Variants in PDCD11 observed in about 807,000 individuals in gnomAD.
The protein encoded by PDCD11 is programmed cell death 11, also known as protein RRP5 homolog.
A neutral mutation model predicts 198.9 loss-of-function variants in PDCD11; 97 were observed. The ratio of observed to expected loss-of-function variants is 0.49; its 90% confidence interval spans 0.41 to 0.58. The LOEUF is 0.58. PDCD11 is among the 20% of genes least tolerant of loss of function. The pLI, the probability that PDCD11 is intolerant of heterozygous loss-of-function variation, is 0.00. For missense variants in PDCD11, 2,102 were observed against 2,312.7 expected (o/e 0.91, Z 1.87); for synonymous variants, 893 against 918.0 (o/e 0.97, Z 0.49).
chr10:103,398,696 A>G (rs974922291), intron 2 of PDCD11, among the ~76,000 whole-genome samples, 168 bp downstream of exon 2: 4 of 152,218 alleles, frequency 2.6e-5, no homozygotes, highest in Non-Finnish European at 5.9e-5. Context: ...ACAAGGCTGT[A>G]TCTTTTGAAG....
At chr10:103,432,285 A>G (rs749771991) in intron 22 of PDCD11, 51 bp downstream of exon 22, 5 of 1,295,422 alleles carry the variant, frequency 3.9e-6, no homozygotes, top group Non-Finnish European at 5.6e-6. Flanking sequence ...TTTCAGAAAA[A>G]AGGTCATGAC....
chr10:103,421,453 C>A lies in PDCD11; in HGVS notation c.2383C>A (p.Leu795Met). ...GGATGAGGAGAAGCAGCGGATGCTG[C>A]TGTCACTGCGGCTGTCGGACTGTGG... The part of the protein sequence containing the change: ...NVDEEKQRML[L>M]SLRLSDCGLG... The change falls in exon 17 of 36, where the codon CTG (leucine) becomes ATG (methionine). Residue 795 changes from leucine (L) to methionine (M), a missense_variant. Physicochemically the swap from Leu to Met is conservative, Grantham distance 15 (BLOSUM62 2). Coordinates refer to ENST00000369797, the MANE Select transcript of PDCD11 (RefSeq NM_014976.2). The A allele has an allele frequency of 6.2e-7, 1 of 1,604,760 alleles. No homozygotes were observed. The highest frequency in any genetic ancestry group is 8.5e-7 in the Non-Finnish European group (1 of 1,175,604).
chr10:103,430,648 TTTTAA>T (rs1326118649), intron 21 of PDCD11, among the ~76,000 whole-genome samples: 4 of 152,094 alleles, frequency 2.6e-5, no homozygotes, highest in African/African-American at 7.2e-5. Flanking sequence ...TTTTTTTTTT[TTTTAA>T]TAGTGGCCAT....
chr10:103,403,861 A>G (rs1284818068), intron 4 of PDCD11, among the ~76,000 whole-genome samples: 2 of 152,150 alleles, frequency 1.3e-5, no homozygotes, highest in Non-Finnish European at 2.9e-5. Context: ...GATAGATTCA[A>G]TATGGGTGGT....
At chr10:103,404,597 C>T (rs2030329346) in intron 4 of PDCD11, among the ~76,000 whole-genome samples, 1 of 152,228 alleles carries the variant, frequency 6.6e-6, no homozygotes, top group Non-Finnish European at 1.5e-5. Flanking sequence ...CCACACCCGA[C>T]CCTCAAGTGC....
chr10:103,445,636 C>A lies in PDCD11; in HGVS notation c.*87C>A. ...CTGGGCACTCGGAAAACTGTTACCT[C>A]AGGACTCTATTTAAATGCTGCTTTT... On this transcript the variant is annotated 3_prime_UTR_variant, in exon 36 of 36. Transcript: ENST00000369797. 1 of 1,093,752 alleles carries A rather than the reference C, an allele frequency of 9.1e-7. No homozygotes were observed. Among genetic ancestry groups the A allele is most frequent in the South Asian group, 1.5e-5 (1 of 67,912 alleles). The allele number at this position is 1,093,752 out of a possible 1,614,324, so 67.8% of individuals were successfully genotyped here.
At position 103,414,335 on chromosome 10, in the gene PDCD11, G is replaced by A. The variant is rs1201957200; in HGVS notation, c.1371+5G>A. 6.2e-7 allele frequency: 1 copy of A among 1,609,778 alleles called. No individual in the cohort carries two copies. The highest frequency in any genetic ancestry group is 8.5e-7 in the Non-Finnish European group (1 of 1,176,096). ...GAACCTGGGGCAGTGGTAAAGGTAAGACCTCAAGCATATAATTAGGTACTG... is the reference window on the plus strand; with the variant it reads ...GAACCTGGGGCAGTGGTAAAGGTAAAACCTCAAGCATATAATTAGGTACTG... On this transcript the variant is annotated splice_donor_5th_base_variant and intron_variant, in intron 11 of 35. Transcript: ENST00000369797.
intron 34 of PDCD11, 169 bp downstream of exon 34, chr10:103,444,237 G>A: frequency 1.5e-6 from 1 of 663,380 alleles, no homozygotes; most frequent in Non-Finnish European, 2.5e-6. Flanking sequence ...AATTTCAAAT[G>A]TCAGGCTCCA....
chr10:103,429,098 C>T (rs987373171), intron 21 of PDCD11, among the ~76,000 whole-genome samples: 13 of 152,126 alleles, frequency 8.5e-5, no homozygotes, highest in Non-Finnish European at 1.8e-4. Flanking sequence ...TTCCTCATTT[C>T]GTATGGGGAT....
chr10:103,444,441 C>T (rs1385632773), intron 34 of PDCD11, 76 bp from the exon 35 acceptor site: 1 of 1,410,448 alleles, frequency 7.1e-7, no homozygotes, highest in African/African-American at 1.4e-5. Context: ...CAGGTGCACG[C>T]TGACCCTGCG....
At chr10:103,402,854 C>T (rs2030193397) in intron 3 of PDCD11, among the ~76,000 whole-genome samples, 2 of 152,202 alleles carry the variant, frequency 1.3e-5, no homozygotes, top group Admixed American at 6.5e-5. Context: ...GATCCACTCA[C>T]CTCCGAGTAC....
chr10:103,438,843 G>C, intron 27 of PDCD11, 35 bp downstream of exon 27: 2 of 1,611,962 alleles, frequency 1.2e-6, no homozygotes, highest in Non-Finnish European at 1.7e-6. Context: ...GGACCCAAGT[G>C]CCTTCCCTGA....
In PDCD11 at chr10:103,414,963, C is replaced by T. The variant is rs371405599; in HGVS notation, c.1372-42C>T. 4.4e-6 allele frequency: 7 copies of T among 1,608,524 alleles called. No individual in the cohort carries two copies. The African/African-American group carries it at 9.4e-5, about 22-fold the overall frequency. On this transcript the variant is annotated intron_variant, in intron 11 of 35. Coordinates refer to ENST00000369797, the MANE Select transcript of PDCD11 (RefSeq NM_014976.2). Reference sequence around the variant, plus strand: ...TTGTTGTAAGAGGTGGGGGAAAGGCCATTCTTGAGACATTGTGGCAGCTTA... The same window carrying T: ...TTGTTGTAAGAGGTGGGGGAAAGGCTATTCTTGAGACATTGTGGCAGCTTA...
chr10:103,434,928 C>G lies in PDCD11; in HGVS notation c.3798C>G (p.Ser1266=). ...GTVSIFHMSD[S]YSETPLEDFV... is the part of the protein sequence containing the mutation. ...TCAGTATATTTCACATGAGTGACTC[C>G]TACTCCGAGACGCCCCTGGAAGACT... The change falls in exon 25 of 36, where the codon TCC becomes TCG. Residue 1266 remains serine (S), a synonymous_variant. Transcript: ENST00000369797. 1 of 1,600,214 alleles carries G rather than the reference C, an allele frequency of 6.2e-7. No homozygotes were observed. Among genetic ancestry groups the G allele is most frequent in the African/African-American group, 1.4e-5 (1 of 74,042 alleles).
At chr10:103,434,128 A>G in intron 23 of PDCD11, 91 bp downstream of exon 23, 1 of 1,259,522 alleles carries the variant, frequency 7.9e-7, no homozygotes, top group Non-Finnish European at 1.2e-6. Flanking sequence ...GATTTGAGGA[A>G]GCTTGTTCTT....
chr10:103,445,432 C>G lies in PDCD11; in HGVS notation c.5499C>G (p.Phe1833Leu). ...GCTTGGCCCCCAAGAGAATGAAGTT[C>G]TTCTTCAAGCGCTACCTGGACTACG... ...HLSLAPKRMK[F>L]FFKRYLDYEK... The change falls in exon 36 of 36, where the codon TTC (phenylalanine) becomes TTG (leucine). Residue 1833 changes from phenylalanine (F) to leucine (L), a missense_variant. Phe to Leu is a conservative substitution (Grantham distance 22, BLOSUM62 0). Coordinates refer to ENST00000369797, the MANE Select transcript of PDCD11 (RefSeq NM_014976.2). The G allele has an allele frequency of 6.2e-7, 1 of 1,614,138 alleles. No individual in the cohort carries two copies. Among genetic ancestry groups the G allele is most frequent in the East Asian group, 2.2e-5 (1 of 44,882 alleles).
Position 103,442,278 on chromosome 10 carries a change from TGAG to T in PDCD11, c.4778_4780del (p.Glu1593del), listed in dbSNP as rs1368238036. 2.5e-6 allele frequency: 4 copies of T among 1,614,020 alleles called. No individual in the cohort carries two copies. The Admixed American group carries it at 6.7e-5, about 27-fold the overall frequency. ...AGGCAGAGAAGGAACTGTCCCGCAT[TGAG>T]GAGGCGCTGATGGATCCTGGGCGGC... is the stretch of plus-strand genomic sequence containing the variant. On this transcript the variant is annotated inframe_deletion, in exon 32 of 36. Coordinates refer to ENST00000369797, the MANE Select transcript of PDCD11 (RefSeq NM_014976.2).
intron 7 of PDCD11, among the ~76,000 whole-genome samples, chr10:103,408,486 A>G (rs1030822823): frequency 2.6e-5 from 4 of 152,114 alleles, no homozygotes; most frequent in Non-Finnish European, 5.9e-5. Flanking sequence ...GAGCAAGTCT[A>G]TGTGCCTGTG....
At chr10:103,418,061 A>T in intron 14 of PDCD11, 129 bp downstream of exon 14, 1 of 994,586 alleles carries the variant, frequency 1.0e-6, no homozygotes, top group East Asian at 2.4e-5. Flanking sequence ...TTGGGGCTAG[A>T]GGGGTTCATA....
Sources: allele counts gnomAD v4.1 joint callset (sites outside exome capture counted in the v4.1 genomes callset), GRCh38; gene constraint gnomAD v4.1.1; transcripts MANE v1.5; gene names NCBI Gene and HGNC (gene_info 2026-07-23, HGNC 2026-07-21).